Variants in NR1D2 observed in about 807,000 individuals in gnomAD.
NR1D2 encodes the protein nuclear receptor subfamily 1 group D member 2.
Under a neutral mutation model 52.2 loss-of-function variants are expected in NR1D2, and 25 were observed. The ratio of observed to expected loss-of-function variants is 0.48; its 90% CI spans 0.35 to 0.67. NR1D2 has a LOEUF of 0.67. NR1D2 is among the 30% of genes least tolerant of loss of function. The pLI is 0.01. For missense variants in NR1D2, 681 were observed against 707.2 expected, an observed-to-expected ratio of 0.96 and a Z score of 0.42; for synonymous variants, 259 against 230.1, an observed-to-expected ratio of 1.13 and a Z score of -1.14.
chr3:23,947,795 C>G (rs1467535116), intron 1 of NR1D2, among the ~76,000 whole-genome samples: 2 of 152,146 alleles, frequency 1.3e-5, no homozygotes, highest in African/African-American at 4.8e-5. Context: ...TTTCTGCTAT[C>G]TATCAGTAAG....
chr3:23,970,865 T>A (rs1175868199), intron 7 of NR1D2, among the ~76,000 whole-genome samples: 1 of 151,930 alleles, frequency 6.6e-6, no homozygotes, highest in African/African-American at 2.4e-5. Flanking sequence ...CACCGCAACC[T>A]CCCTCTCCTA....
At chr3:23,960,625 C>G (rs541873789) in intron 4 of NR1D2, among the ~76,000 whole-genome samples, 2 of 152,148 alleles carry the variant, frequency 1.3e-5, no homozygotes, top group African/African-American at 2.4e-5. Flanking sequence ...AGCCATCAGG[C>G]GTGGCCAGGA....
intron 4 of NR1D2, among the ~76,000 whole-genome samples, chr3:23,961,389 C>CTT (rs869108010): frequency 0.045 from 3,406 of 75,896 alleles, 141 homozygotes; most frequent in Admixed American, 0.088. Flanking sequence ...CTTTTTCTTT[C>CTT]TTTTTTTTTT....
In NR1D2 at chr3:23,948,721, C is replaced by T. The variant is rs576822474; in HGVS notation, c.16+3127C>T. ...ATTGAAGCTAAATAACTTACTCAGG[C>T]AAGTAGTAGAGCCAGAATTTGAATC... On this transcript the variant is annotated intron_variant, in intron 1 of 7. Transcript: ENST00000312521. 6.6e-4 allele frequency among the ~76,000 whole-genome samples: 100 copies of T among 152,318 alleles called. 2 individuals carry two copies. The South Asian group carries it at 0.01, about 16-fold the overall frequency.
chr3:23,947,325 CATT>C lies in NR1D2; in HGVS notation c.16+1734_16+1736del, dbSNP rs200315306. ...AAATCTTGCCTCGTGGAGCAAGGCACATTATAAAAATTCCTCCGGATGAATGTT... is the reference window on the plus strand; with the variant it reads ...AAATCTTGCCTCGTGGAGCAAGGCACATAAAAATTCCTCCGGATGAATGTT... On this transcript the variant is annotated intron_variant, in intron 1 of 7. Coordinates refer to ENST00000312521, the MANE Select transcript of NR1D2 (RefSeq NM_005126.5). Among the ~76,000 whole-genome samples the C allele has an allele frequency of 7.1e-3, 1,082 of 152,350 alleles. 4 individuals carry two copies. The highest frequency in any genetic ancestry group is 0.015 in the South Asian group (70 of 4,826).
Position 23,967,889 on chromosome 3 carries a change from G to A in NR1D2, c.1409G>A (p.Ser470Asn), listed in dbSNP as rs761307666. The part of the protein sequence containing the change: ...TVTFLSGKKY[S>N]VDDLHSMGAG... ...ACCTTTTTAAGTGGAAAGAAATATA[G>A]TGTGGATGATTTACACTCAATGGGA... Residue 470 changes from serine (S) to asparagine (N), a missense_variant, in exon 7 of 8, where the codon AGT (serine) becomes AAT (asparagine). By Grantham distance (46) the Ser-to-Asn change is conservative. Transcript: ENST00000312521. 2 of 1,614,040 alleles carry A rather than the reference G, an allele frequency of 1.2e-6. No homozygotes were observed. The highest frequency in any genetic ancestry group is 2.2e-5 in the South Asian group (2 of 91,078).
intron 1 of NR1D2, chr3:23,946,372 G>A (rs1385844073): frequency 3.4e-6 from 3 of 884,590 alleles, no homozygotes; most frequent in African/African-American, 3.6e-5. Flanking sequence ...CTGCAGGCCG[G>A]AGGAGGCGCC....
chr3:23,964,815 T>G, intron 5 of NR1D2, 162 bp from the exon 6 acceptor site: 1 of 549,548 alleles, frequency 1.8e-6, no homozygotes, highest in Non-Finnish European at 3.2e-6. Flanking sequence ...CTTTCTACAG[T>G]ATGGTGGGCA....
intron 4 of NR1D2, 52 bp downstream of exon 4, chr3:23,959,867 A>G: frequency 1.3e-6 from 2 of 1,530,618 alleles, no homozygotes; most frequent in Non-Finnish European, 1.8e-6. Flanking sequence ...CTTGGCTTTT[A>G]TTCCTCATCA....
At chr3:23,949,384 AACAC>A (rs1029791335) in intron 1 of NR1D2, among the ~76,000 whole-genome samples, 8 of 151,966 alleles carry the variant, frequency 5.3e-5, no homozygotes, top group African/African-American at 1.9e-4. Context: ...AACAACAAAA[AACAC>A]ACCATTTATT....
At chr3:23,955,980 A>G in intron 2 of NR1D2, 57 bp from the exon 3 acceptor site, 1 of 1,240,068 alleles carries the variant, frequency 8.1e-7, no homozygotes, top group Non-Finnish European at 1.2e-6. Context: ...CTAATTGGAA[A>G]GAAAACAGAC....
intron 1 of NR1D2, among the ~76,000 whole-genome samples, chr3:23,953,342 CAAAAAAAAAAAAAAAA>C (rs55698030): frequency 3.8e-5 from 2 of 52,440 alleles, no homozygotes; most frequent in African/African-American, 6.3e-5. Context: ...GACTCTGTCT[CAAAAAAAAAAAAAAAA>C]AAAAAAAAAA....
Position 23,965,143 on chromosome 3 carries a change from T to C in NR1D2, c.1313T>C (p.Leu438Ser). 6.2e-7 allele frequency: 1 copy of C among 1,609,102 alleles called. No individual in the cohort carries two copies. Among genetic ancestry groups the C allele is most frequent in the Non-Finnish European group, 8.5e-7 (1 of 1,178,662 alleles). The change falls in exon 6 of 8, where the codon TTA becomes TCA. Residue 438 changes from leucine to serine, a missense_variant. Coordinates refer to ENST00000312521, the MANE Select transcript of NR1D2 (RefSeq NM_005126.5). ...DLSQHDQVNL[L>S]KAGTFEVLMV... The stretch of plus-strand genomic sequence containing the variant: ...TCTCAGCATGACCAGGTCAACCTTT[T>C]AAAGGCTGGGACTTTTGAGGTAGGT...
Position 23,961,963 on chromosome 3 carries a change from T to C in NR1D2, c.518-14T>C. 1 of 1,566,244 alleles carries C rather than the reference T, an allele frequency of 6.4e-7. No homozygotes were observed. The highest frequency in any genetic ancestry group is 8.6e-7 in the Non-Finnish European group (1 of 1,159,100). On this transcript the variant is annotated splice_polypyrimidine_tract_variant and intron_variant, in intron 4 of 7. Transcript: ENST00000312521. ...ATTTAGAATATAGACGTTAAATATC[T>C]TTTTCTTCAATAGCTGTTCGGTTTG...
In NR1D2 at chr3:23,971,301, C is replaced by CCATTTTT. The variant is rs201185985; in HGVS notation, c.1543+3278_1543+3279insCATTTTT. 3.6e-5 allele frequency among the ~76,000 whole-genome samples: 4 copies of CCATTTTT among 110,852 alleles called. 1 individual carries two copies. The highest frequency in any genetic ancestry group is 5.5e-5 in the Non-Finnish European group (3 of 54,840). The allele number at this position is 110,852 out of a possible 152,430, so 72.7% of individuals were successfully genotyped here. On this transcript the variant is annotated intron_variant, in intron 7 of 7. Coordinates refer to ENST00000312521, the MANE Select transcript of NR1D2 (RefSeq NM_005126.5). ...GAATATAATGCTTATATCTCTATAC[C>CCATTTTT]TATTTTTTTTTTTTTTTTTTTTGAG...
chr3:23,959,720 T>A lies in NR1D2; in HGVS notation c.422T>A (p.Leu141Gln), dbSNP rs760805297. The A allele has an allele frequency of 1.9e-6, 3 of 1,613,934 alleles. No homozygotes were observed. Among genetic ancestry groups the A allele is most frequent in the Non-Finnish European group, 2.5e-6 (3 of 1,179,924 alleles). ...CAAAACATCCAGTACAAGAAGTGCC[T>A]GAAGAATGAAAACTGTTCTATAATG... ...IQQNIQYKKC[L>Q]KNENCSIMRM... is the part of the protein sequence containing the mutation. Residue 141 changes from leucine (L) to glutamine (Q), a missense_variant, in exon 4 of 8, where the codon CTG becomes CAG. Physicochemically the swap from Leu to Gln is moderately radical, Grantham distance 113. Transcript: ENST00000312521.
chr3:23,951,662 C>A (rs1705937371), intron 1 of NR1D2, among the ~76,000 whole-genome samples: 1 of 152,218 alleles, frequency 6.6e-6, no homozygotes, highest in Non-Finnish European at 1.5e-5. Context: ...TCGATGAAAT[C>A]ATCAATCTTT....
intron 1 of NR1D2, among the ~76,000 whole-genome samples, chr3:23,949,976 G>T (rs1253083261): frequency 6.6e-6 from 1 of 152,206 alleles, no homozygotes; most frequent in African/African-American, 2.4e-5. Flanking sequence ...GTAAGCCCTA[G>T]CCTGGGAACC....
At position 23,962,655 on chromosome 3, in the gene NR1D2, A is replaced by G. The variant is rs375708531; in HGVS notation, c.1146+50A>G. 2.0e-6 allele frequency: 3 copies of G among 1,515,564 alleles called. No individual in the cohort carries two copies. In the African/African-American group the frequency reaches 4.2e-5, roughly 21 times the overall value. The allele number at this position is 1,515,564 out of a possible 1,614,324, so 93.9% of individuals were successfully genotyped here. ...TACATTGTATCAGGGAAAGCTTTGA[A>G]AATTTTCTTTTATTCGGGAGATATG... On this transcript the variant is annotated intron_variant, in intron 5 of 7. Coordinates refer to ENST00000312521, the MANE Select transcript of NR1D2 (RefSeq NM_005126.5).
Sources: allele counts gnomAD v4.1 joint callset (sites outside exome capture counted in the v4.1 genomes callset), GRCh38; gene constraint gnomAD v4.1.1; transcripts MANE v1.5; gene names NCBI Gene and HGNC (gene_info 2026-07-23, HGNC 2026-07-21).